The following VPS41 variants were observed in gnomAD, a reference collection of about 807,000 sequenced individuals.
VPS41 encodes vacuolar protein sorting-associated protein 41 homolog.
In VPS41, 85 loss-of-function variants were observed where a neutral mutation model predicts 130.9. That is an observed-to-expected ratio of 0.65 (90% CI 0.55 to 0.78). The LOEUF (loss-of-function observed/expected upper bound fraction) is 0.78, where lower values mean the gene tolerates loss of function less well. Ranked by LOEUF, VPS41 falls within the 30% of genes least tolerant of loss-of-function variation. The pLI is 0.00. For missense variants in VPS41, 874 were observed against 1,018.7 expected, an observed-to-expected ratio of 0.86 and a Z score of 1.93; for synonymous variants, 335 against 332.9, an observed-to-expected ratio of 1.01 and a Z score of -0.07.
At chr7:38,901,283 T>C (rs1476014818) in intron 1 of VPS41, among the ~76,000 whole-genome samples, 7 of 152,204 alleles carry the variant, frequency 4.6e-5, no homozygotes, top group Non-Finnish European at 1.0e-4. Flanking sequence ...GGCAGAGTGG[T>C]TGTCTTAGTA....
intron 4 of VPS41, among the ~76,000 whole-genome samples, chr7:38,846,742 T>G (rs75082091): frequency 6.6e-6 from 1 of 152,064 alleles, no homozygotes; most frequent in African/African-American, 2.4e-5. Flanking sequence ...CCAGGTGAGA[T>G]TCAATAAAGA....
chr7:38,867,554 A>T (rs74957033), intron 3 of VPS41, among the ~76,000 whole-genome samples: 9,390 of 151,942 alleles, frequency 0.062, 586 homozygotes, highest in African/African-American at 0.17. Flanking sequence ...TCAAAAAAAA[A>T]AAATAAATAA....
At chr7:38,785,469 T>C (rs530803394) in intron 10 of VPS41, among the ~76,000 whole-genome samples, 1 of 152,382 alleles carries the variant, frequency 6.6e-6, no homozygotes, top group African/African-American at 2.4e-5. Context: ...CCGTATTTTA[T>C]AATCAATATT....
At chr7:38,763,933 C>T (rs1783973889) in intron 16 of VPS41, among the ~76,000 whole-genome samples, 1 of 152,102 alleles carries the variant, frequency 6.6e-6, no homozygotes, top group African/African-American at 2.4e-5. Context: ...GTTTACCAAC[C>T]TTCACCAACT....
chr7:38,854,514 G>A (rs1011758469), intron 4 of VPS41, among the ~76,000 whole-genome samples: 1 of 152,168 alleles, frequency 6.6e-6, no homozygotes, highest in Non-Finnish European at 1.5e-5. Flanking sequence ...AATAATGAAT[G>A]TATGGCATCT....
chr7:38,829,573 A>G (rs1012397174), intron 5 of VPS41, among the ~76,000 whole-genome samples: 1 of 152,200 alleles, frequency 6.6e-6, no homozygotes, highest in African/African-American at 2.4e-5. Flanking sequence ...CATCGACTTA[A>G]AAACAAAAAA....
chr7:38,738,035 C>T (rs1188083702), intron 25 of VPS41, among the ~76,000 whole-genome samples: 1 of 152,158 alleles, frequency 6.6e-6, no homozygotes. Flanking sequence ...CAAGGATGTG[C>T]AATGACTTCT....
chr7:38,765,628 T>A lies in VPS41; in HGVS notation c.1281A>T (p.Ala427=). The change falls in exon 16 of 29, where the codon GCA becomes GCT. Residue 427 remains alanine, a synonymous_variant. Coordinates refer to ENST00000310301, the MANE Select transcript of VPS41 (RefSeq NM_014396.4). ...ATTTATAAACTTCATATTCCCAGAGTGCTGCATTTTTCCCAAGAATTTTCT... is the reference window on the plus strand; with the variant it reads ...ATTTATAAACTTCATATTCCCAGAGAGCTGCATTTTTCCCAAGAATTTTCT... ...KCQKILGKNA[A]LWEYEVYKFK... The A allele has an allele frequency of 1.2e-6, 2 of 1,604,552 alleles. No individual in the cohort carries two copies. Among genetic ancestry groups the A allele is most frequent in the Non-Finnish European group, 8.5e-7 (1 of 1,177,706 alleles).
At chr7:38,782,273 G>A (rs1203609287) in intron 10 of VPS41, among the ~76,000 whole-genome samples, 1 of 152,202 alleles carries the variant, frequency 6.6e-6, no homozygotes, top group Non-Finnish European at 1.5e-5. Flanking sequence ...AGTTCTCAGA[G>A]CAGCCTCTTG....
At chr7:38,747,229 A>C (rs184319005) in intron 22 of VPS41, among the ~76,000 whole-genome samples, 2 of 152,332 alleles carry the variant, frequency 1.3e-5, no homozygotes. Context: ...AACATAAGTA[A>C]GAAGTTAAAT....
chr7:38,727,711 G>A (rs1239152502), intron 27 of VPS41, among the ~76,000 whole-genome samples: 1 of 152,140 alleles, frequency 6.6e-6, no homozygotes, highest in Non-Finnish European at 1.5e-5. Flanking sequence ...CTCATGGACT[G>A]CCCCATGAAA....
chr7:38,868,077 G>A (rs1313859618), intron 3 of VPS41, among the ~76,000 whole-genome samples: 1 of 152,196 alleles, frequency 6.6e-6, no homozygotes, highest in Non-Finnish European at 1.5e-5. Flanking sequence ...AGATCCTCAA[G>A]TTCCAGTGCT....
intron 7 of VPS41, among the ~76,000 whole-genome samples, chr7:38,804,781 T>C (rs1299686263): frequency 6.6e-6 from 1 of 152,220 alleles, no homozygotes; most frequent in African/African-American, 2.4e-5. Context: ...AGACTACTAA[T>C]CTGCAATTGC....
intron 12 of VPS41, among the ~76,000 whole-genome samples, chr7:38,773,758 T>C (rs1014416864): frequency 6.6e-6 from 1 of 152,162 alleles, no homozygotes; most frequent in Non-Finnish European, 1.5e-5. Context: ...GAGCGAACTT[T>C]CCTGACACAT....
intron 4 of VPS41, among the ~76,000 whole-genome samples, chr7:38,853,418 C>CAAAAAAAA (rs57368681): frequency 1.3e-5 from 1 of 78,940 alleles, no homozygotes; most frequent in African/African-American, 5.7e-5. Flanking sequence ...GACTCCTTCT[C>CAAAAAAAA]AAAAAAAAAA....
intron 4 of VPS41, among the ~76,000 whole-genome samples, chr7:38,857,853 A>G (rs1478752818): frequency 6.6e-6 from 1 of 152,224 alleles, no homozygotes; most frequent in Non-Finnish European, 1.5e-5. Flanking sequence ...CATGTGAGGT[A>G]TATATTGGTT....
At chr7:38,809,970 T>C (rs1354363642) in intron 7 of VPS41, among the ~76,000 whole-genome samples, 5 of 152,090 alleles carry the variant, frequency 3.3e-5, no homozygotes, top group Admixed American at 2.0e-4. Flanking sequence ...ATTTCTAAAA[T>C]AGAAACTTCA....
intron 2 of VPS41, among the ~76,000 whole-genome samples, chr7:38,870,766 A>G (rs1471479814): frequency 8.9e-6 from 1 of 112,042 alleles, no homozygotes; most frequent in Non-Finnish European, 1.8e-5. Flanking sequence ...AAAAAAAAAC[A>G]GAAAAAGACA....
At position 38,724,599 on chromosome 7, in the gene VPS41, C is replaced by CTTTTTTTTTTTT. The variant is rs151106962; in HGVS notation, c.*1646_*1647insAAAAAAAAAAAA. The CTTTTTTTTTTTT allele has an allele frequency of 8.3e-6, 1 of 120,132 alleles. No individual in the cohort carries two copies. The highest frequency in any genetic ancestry group is 3.5e-5 in the African/African-American group (1 of 28,464). The allele number at this position is 120,132 out of a possible 1,614,324, so 7.4% of individuals were successfully genotyped here. On this transcript the variant is annotated 3_prime_UTR_variant, in exon 29 of 29. Coordinates refer to ENST00000310301, the MANE Select transcript of VPS41 (RefSeq NM_014396.4). ...TTGGCCCTATGATTTCTTTTCTTTT[C>CTTTTTTTTTTTT]TTTTCTTTTTTGAGACGGAGTTTTG...
Sources: allele counts gnomAD v4.1 joint callset (sites outside exome capture counted in the v4.1 genomes callset), GRCh38; gene constraint gnomAD v4.1.1; transcripts MANE v1.5; gene names NCBI Gene and HGNC (gene_info 2026-07-23, HGNC 2026-07-21).